The following ANK3 variants were observed in gnomAD, a reference collection of about 807,000 sequenced individuals.
ANK3 encodes ankyrin-3.
A neutral mutation model predicts 370.9 loss-of-function variants in ANK3; 57 were observed. That is an observed-to-expected ratio of 0.15 (90% CI 0.12 to 0.19). ANK3 has a LOEUF of 0.19. Ranked by LOEUF, ANK3 falls within the 10% of genes least tolerant of loss-of-function variation. ANK3 has a pLI of 1.00. For missense variants in ANK3, 4,439 were observed against 5,302.1 expected (o/e 0.84, Z 5.06); for synonymous variants, 1,929 against 1,946.3 (o/e 0.99, Z 0.23).
At chr10:60,314,652 T>A (rs540424093) in intron 1 of ANK3, among the ~76,000 whole-genome samples, 2 of 152,094 alleles carry the variant, frequency 1.3e-5, no homozygotes, top group Non-Finnish European at 2.9e-5. Context: ...TTCACTTTCA[T>A]CAAATGGGGA....
intron 2 of ANK3, among the ~76,000 whole-genome samples, chr10:60,490,379 C>T (rs938819253): frequency 3.3e-5 from 5 of 152,288 alleles, no homozygotes; most frequent in Middle Eastern, 3.4e-3. Context: ...AAAAGTTTGA[C>T]GACCACTGCT....
intron 2 of ANK3, among the ~76,000 whole-genome samples, chr10:60,408,266 T>C (rs2063492857): frequency 1.3e-5 from 2 of 152,210 alleles, no homozygotes; most frequent in Admixed American, 1.3e-4. Flanking sequence ...CCATCATGTT[T>C]AATTGTCAAC....
At chr10:60,084,494 A>C in intron 32 of ANK3, 108 bp downstream of exon 32, 1 of 679,756 alleles carries the variant, frequency 1.5e-6, no homozygotes, top group Non-Finnish European at 2.3e-6. Flanking sequence ...GTAAAAGTAA[A>C]ATCAATAATG....
At chr10:60,175,158 A>G (rs2095894114) in intron 18 of ANK3, among the ~76,000 whole-genome samples, 2 of 152,106 alleles carry the variant, frequency 1.3e-5, no homozygotes, top group South Asian at 4.1e-4. Flanking sequence ...CCATCCATAC[A>G]TCTTTTAGTC....
intron 7 of ANK3, among the ~76,000 whole-genome samples, chr10:60,247,511 C>T (rs899350958): frequency 1.1e-4 from 16 of 152,158 alleles, no homozygotes; most frequent in African/African-American, 3.1e-4. Context: ...CCATTAGCTA[C>T]GCCTATGCCC....
intron 7 of ANK3, among the ~76,000 whole-genome samples, chr10:60,256,228 C>T (rs1428546393): frequency 6.6e-6 from 1 of 152,186 alleles, no homozygotes; most frequent in Admixed American, 6.5e-5. Flanking sequence ...CACCTTGGTG[C>T]CTGAACAAAT....
intron 1 of ANK3, among the ~76,000 whole-genome samples, chr10:60,656,436 ATC>A (rs2078865075): frequency 6.6e-6 from 1 of 151,844 alleles, no homozygotes; most frequent in Non-Finnish European, 1.5e-5. Flanking sequence ...CAATGCTACT[ATC>A]TTTTAAAAAA....
At chr10:60,271,578 T>C (rs2097986314) in intron 4 of ANK3, among the ~76,000 whole-genome samples, 1 of 152,174 alleles carries the variant, frequency 6.6e-6, no homozygotes, top group South Asian at 2.1e-4. Context: ...TTTTACTGTA[T>C]ACATTACGCA....
intron 7 of ANK3, among the ~76,000 whole-genome samples, chr10:60,248,468 A>G (rs2097589003): frequency 6.6e-6 from 1 of 152,246 alleles, no homozygotes; most frequent in African/African-American, 2.4e-5. Context: ...TGGGGGCACT[A>G]AAGATTGACA....
intron 2 of ANK3, among the ~76,000 whole-genome samples, chr10:60,438,491 T>TAACATGTAATAACAGCATCC (rs2064213655): frequency 6.6e-6 from 1 of 152,206 alleles, no homozygotes; most frequent in Non-Finnish European, 1.5e-5. Context: ...TCCAGTACTT[T>TAACATGTAATAACAGCATCC]AGTTGTTAAA....
chr10:60,328,648 T>C lies in ANK3; in HGVS notation c.115-49009A>G, dbSNP rs191898162. On this transcript the variant is annotated intron_variant, in intron 1 of 43. Transcript: ENST00000280772. ...GTTCTGAAATTGAGGCAGTAATTAATAGCCGGCCAACCAAAAAAAGCCCAG... is the reference window on the plus strand; with the variant it reads ...GTTCTGAAATTGAGGCAGTAATTAACAGCCGGCCAACCAAAAAAAGCCCAG... Among the ~76,000 whole-genome samples, 355 of 152,288 alleles carry C rather than the reference T, an allele frequency of 2.3e-3. 1 individual carries two copies. The highest frequency in any genetic ancestry group is 3.4e-3 in the Middle Eastern group (1 of 294).
At chr10:60,630,172 G>C (rs2078462954) in intron 1 of ANK3, among the ~76,000 whole-genome samples, 2 of 152,056 alleles carry the variant, frequency 1.3e-5, no homozygotes. Flanking sequence ...CAAAGGGCAT[G>C]ATATCTCCCT....
At chr10:60,112,504 A>G (rs1038833302) in intron 26 of ANK3, among the ~76,000 whole-genome samples, 4 of 152,186 alleles carry the variant, frequency 2.6e-5, no homozygotes, top group African/African-American at 9.7e-5. Context: ...GCCACCATAA[A>G]GTTTATAATT....
At chr10:60,103,474 AAGAC>A (rs2091663086) in intron 28 of ANK3, among the ~76,000 whole-genome samples, 1 of 78,818 alleles carries the variant, frequency 1.3e-5, no homozygotes, top group African/African-American at 4.8e-5. Context: ...GCTTTTTAAA[AAGAC>A]AGATTTGGGA....
rs547150917 is a variant in ANK3 at position 60,463,704 on chromosome 10, A to C, written c.96+151482T>G. Among the ~76,000 whole-genome samples, 352 of 139,114 alleles carry C rather than the reference A, an allele frequency of 2.5e-3. 1 individual carries two copies. Among genetic ancestry groups the C allele is most frequent in the Middle Eastern group, 3.6e-3 (1 of 278 alleles). 91.3% of individuals were successfully genotyped at this position (139,114 alleles called of 152,430 possible). A position where few individuals can be genotyped will look rare whatever the true frequency, so the allele number is the denominator to read the frequency against. ...TAAAAAAAAAAACCCAAACCAAATA[A>C]TTTTCCAGGAGATTTTTTTTTGAGA... On this transcript the variant is annotated intron_variant, in intron 2 of 43. Transcript: ENST00000373827.
intron 2 of ANK3, among the ~76,000 whole-genome samples, chr10:60,577,164 G>A (rs919665534): frequency 1.3e-5 from 2 of 152,164 alleles, no homozygotes; most frequent in Admixed American, 1.3e-4. Flanking sequence ...AGAGGGAATA[G>A]GTGGCCATTC....
chr10:60,537,504 T>A (rs1281047668), intron 2 of ANK3, among the ~76,000 whole-genome samples: 2 of 151,922 alleles, frequency 1.3e-5, no homozygotes, highest in African/African-American at 4.8e-5. Context: ...TTAAGTCAAA[T>A]ATCTACTAGA....
chr10:60,621,288 G>GA (rs1336233217), intron 1 of ANK3, among the ~76,000 whole-genome samples: 1 of 152,190 alleles, frequency 6.6e-6, no homozygotes, highest in Non-Finnish European at 1.5e-5. Context: ...AGAGGTGCTA[G>GA]AACAGTACTA....
chr10:60,068,312 T>C (rs2082029280), intron 37 of ANK3, among the ~76,000 whole-genome samples: 1 of 152,138 alleles, frequency 6.6e-6, no homozygotes, highest in Non-Finnish European at 1.5e-5. Context: ...GATTTCAACA[T>C]CTGTGCTTTT....
Sources: allele counts gnomAD v4.1 joint callset (sites outside exome capture counted in the v4.1 genomes callset), GRCh38; gene constraint gnomAD v4.1.1; transcripts MANE v1.5; gene names NCBI Gene and HGNC (gene_info 2026-07-23, HGNC 2026-07-21).